Variants in WNT8B observed in about 807,000 individuals in gnomAD.
WNT8B encodes the protein protein Wnt-8b.
In WNT8B, 24 loss-of-function variants were observed where a neutral mutation model predicts 36.6. That is an observed-to-expected ratio of 0.66 (90% CI 0.48 to 0.92). The LOEUF (loss-of-function observed/expected upper bound fraction) is 0.92. WNT8B is among the 40% of genes least tolerant of loss of function. The probability of loss-of-function intolerance (pLI) is 0.00; values close to 1 mark genes in which losing one functional copy is unlikely to be tolerated. For synonymous variants in WNT8B, 199 were observed against 189.8 expected (o/e 1.05, Z -0.40); for missense variants, 402 against 470.8 (o/e 0.85, Z 1.35).
chr10:100,482,705 GTGC>G lies in WNT8B; in HGVS notation c.949_951del (p.Cys317del). On this transcript the variant is annotated inframe_deletion, in exon 6 of 6. Coordinates refer to ENST00000343737, the MANE Select transcript of WNT8B (RefSeq NM_003393.4). This position sits in a 1 kb window ranked among gnomAD's most constrained non-coding sequence, Gnocchi z 6.6. ...CCAGCTGCAACTGCAAGTTCCACTGGTGCTGCGCAGTCCGCTGCGAGCAGTGCC... is the reference window on the plus strand; with the variant it reads ...CCAGCTGCAACTGCAAGTTCCACTGGTGCGCAGTCCGCTGCGAGCAGTGCC... 1 of 1,610,112 alleles carries G rather than the reference GTGC, an allele frequency of 6.2e-7. No individual in the cohort carries two copies. The highest frequency in any genetic ancestry group is 8.5e-7 in the Non-Finnish European group (1 of 1,178,970).
intron 1 of WNT8B, among the ~76,000 whole-genome samples, chr10:100,466,303 T>G (rs1011305460): frequency 5.9e-5 from 9 of 151,542 alleles, no homozygotes; most frequent in African/African-American, 2.2e-4. Flanking sequence ...AAAGCTGGGA[T>G]TTGTGGAGTA....
intron 1 of WNT8B, among the ~76,000 whole-genome samples, chr10:100,472,191 A>C (rs1414084277): frequency 1.3e-5 from 2 of 151,058 alleles, no homozygotes; most frequent in African/African-American, 4.9e-5. Context: ...GCTCACTGCA[A>C]GCTCCGCCTC....
chr10:100,482,662 G>A lies in WNT8B; in HGVS notation c.902G>A (p.Arg301His). The change falls in exon 6 of 6, where the codon CGC (arginine) becomes CAC (histidine). Residue 301 changes from arginine to histidine, a missense_variant. Arg to His is a conservative substitution (Grantham distance 29). This residue lies in a region of WNT8B where 256 missense variants were observed against 278.6 expected (regional missense o/e 0.92). Coordinates refer to ENST00000343737, the MANE Select transcript of WNT8B (RefSeq NM_003393.4). This position sits in a 1 kb window ranked among gnomAD's most constrained non-coding sequence, Gnocchi z 6.6. ...CGDCGLAVEERRAETVSSCNC... is the reference protein window; with the variant it reads ...CGDCGLAVEEHRAETVSSCNC... ...GACTGCGGGCTGGCGGTGGAGGAGC[G>A]CCGGGCCGAGACCGTGTCCAGCTGC... 6.2e-7 allele frequency: 1 copy of A among 1,607,626 alleles called. No individual in the cohort carries two copies. Among genetic ancestry groups the A allele is most frequent in the South Asian group, 1.1e-5 (1 of 90,892 alleles).
intron 1 of WNT8B, among the ~76,000 whole-genome samples, chr10:100,464,397 A>G (rs1850888985): frequency 6.6e-6 from 1 of 152,178 alleles, no homozygotes; most frequent in African/African-American, 2.4e-5. Context: ...CCCTCATGAG[A>G]ACAAAAAGAC....
chr10:100,481,723 C>A (rs1442466444), intron 4 of WNT8B, among the ~76,000 whole-genome samples, 189 bp from the exon 5 acceptor site: 2 of 152,138 alleles, frequency 1.3e-5, no homozygotes, highest in Non-Finnish European at 1.5e-5. Flanking sequence ...ATTGGCTGAA[C>A]CTGGAAGTGG....
At chr10:100,466,088 T>C (rs1287243979) in intron 1 of WNT8B, among the ~76,000 whole-genome samples, 2 of 151,984 alleles carry the variant, frequency 1.3e-5, no homozygotes, top group Non-Finnish European at 2.9e-5. Flanking sequence ...AAAAAAACCA[T>C]ATATGATCAA....
At chr10:100,463,448 G>T (rs925119589) in intron 1 of WNT8B, among the ~76,000 whole-genome samples, 3 of 152,112 alleles carry the variant, frequency 2.0e-5, no homozygotes, top group African/African-American at 7.2e-5. Context: ...TGGGAGCGGG[G>T]GTTCCTATTT....
chr10:100,481,005 G>A lies in WNT8B; in HGVS notation c.249G>A (p.Arg83=). The change falls in exon 4 of 6, where the codon CGG becomes CGA. Residue 83 remains arginine, a synonymous_variant. Coordinates refer to ENST00000343737, the MANE Select transcript of WNT8B (RefSeq NM_003393.4). ...ATTTTTGGTTCCTGCTAGCCAATCG[G>A]GAGACAGCATTTGTGCATGCCATCA... is the stretch of plus-strand genomic sequence containing the variant. ...SSHGGLRSAN[R]ETAFVHAISS... 6.2e-7 allele frequency: 1 copy of A among 1,613,888 alleles called. No homozygotes were observed.
intron 1 of WNT8B, among the ~76,000 whole-genome samples, chr10:100,466,989 T>C (rs573277592): frequency 6.6e-6 from 1 of 152,212 alleles, no homozygotes; most frequent in South Asian, 2.1e-4. Context: ...TTTTTTTTCT[T>C]ACTCAGTAAA....
chr10:100,481,071 C>G lies in WNT8B; in HGVS notation c.315C>G (p.Ser105Arg). Residue 105 changes from serine (S) to arginine (R), a missense_variant, in exon 4 of 6, where the codon AGC (serine) becomes AGG (arginine). Physicochemically the swap from Ser to Arg is moderately radical, Grantham distance 110 (BLOSUM62 -1). Transcript: ENST00000343737. ...TGTACACCCTGACTAGAAACTGCAG[C>G]CTTGGAGATTTTGATAACTGTGGCT... ...GVMYTLTRNC[S>R]LGDFDNCGCD... 6.2e-7 allele frequency: 1 copy of G among 1,614,084 alleles called. No individual in the cohort carries two copies. Among genetic ancestry groups the G allele is most frequent in the Non-Finnish European group, 8.5e-7 (1 of 1,180,012 alleles).
chr10:100,474,169 G>T (rs570556446), intron 1 of WNT8B, among the ~76,000 whole-genome samples: 1 of 152,278 alleles, frequency 6.6e-6, no homozygotes, highest in Admixed American at 6.5e-5. Context: ...AGCTGGGAGG[G>T]TTCAGGAAGT....
In WNT8B at chr10:100,481,135, T is replaced by G; in HGVS notation, c.367+12T>G. 2 of 1,613,770 alleles carry G rather than the reference T, an allele frequency of 1.2e-6. No individual in the cohort carries two copies. Among genetic ancestry groups the G allele is most frequent in the Non-Finnish European group, 1.7e-6 (2 of 1,179,858 alleles). ...CAACGGGCAACTGGGTGAGTAGTAA[T>G]GTAGGGATGGGTACCATAGGCCAGC... On this transcript the variant is annotated intron_variant, in intron 4 of 5. Coordinates refer to ENST00000343737, the MANE Select transcript of WNT8B (RefSeq NM_003393.4).
rs1554840117 is a variant in WNT8B at position 100,479,032 on chromosome 10, G to GC, written c.69-20_69-19insC. 7.1e-7 allele frequency: 1 copy of GC among 1,402,692 alleles called. No homozygotes were observed. The highest frequency in any genetic ancestry group is 9.7e-7 in the Non-Finnish European group (1 of 1,036,196). The allele number at this position is 1,402,692 out of a possible 1,614,324, so 86.9% of individuals were successfully genotyped here. ...TGTCTCTGCATTATATTCTGTTTTTGTTTTTTTTTTCCCTTATAGGTCGGT... is the reference window on the plus strand; with the variant it reads ...TGTCTCTGCATTATATTCTGTTTTTGCTTTTTTTTTTCCCTTATAGGTCGGT... On this transcript the variant is annotated intron_variant, in intron 1 of 5. Coordinates refer to ENST00000343737, the MANE Select transcript of WNT8B (RefSeq NM_003393.4).
At chr10:100,478,570 T>A (rs1177881616) in intron 1 of WNT8B, among the ~76,000 whole-genome samples, 2 of 147,710 alleles carry the variant, frequency 1.4e-5, no homozygotes, top group African/African-American at 2.5e-5. Flanking sequence ...CTAAGTTTTA[T>A]GTGTGTGTGT....
At chr10:100,472,864 ACT>A (rs1416332059) in intron 1 of WNT8B, among the ~76,000 whole-genome samples, 3 of 152,152 alleles carry the variant, frequency 2.0e-5, no homozygotes, top group Non-Finnish European at 4.4e-5. Context: ...CTCAGTGTTC[ACT>A]CTGTTACTCT....
intron 4 of WNT8B, among the ~76,000 whole-genome samples, chr10:100,481,427 G>A (rs1851109328): frequency 1.3e-5 from 2 of 152,194 alleles, no homozygotes; most frequent in East Asian, 1.9e-4. Context: ...GCCTATCCCC[G>A]TCTACTTTCC....
At chr10:100,472,424 G>A (rs1850990087) in intron 1 of WNT8B, among the ~76,000 whole-genome samples, 2 of 152,188 alleles carry the variant, frequency 1.3e-5, no homozygotes, top group Non-Finnish European at 2.9e-5. Flanking sequence ...CTGGACAACA[G>A]AGCAAGTCCC....
chr10:100,475,834 C>G (rs1851031455), intron 1 of WNT8B, among the ~76,000 whole-genome samples: 1 of 152,142 alleles, frequency 6.6e-6, no homozygotes, highest in Non-Finnish European at 1.5e-5. Flanking sequence ...TCTGACATGT[C>G]TTTAAGGATC....
intron 3 of WNT8B, 88 bp downstream of exon 3, chr10:100,480,100 A>G (rs1851091465): frequency 6.9e-7 from 1 of 1,456,700 alleles, no homozygotes; most frequent in Non-Finnish European, 9.2e-7. Context: ...CGACACCCTT[A>G]TTCCTCACCT....
Sources: allele counts gnomAD v4.1 joint callset (sites outside exome capture counted in the v4.1 genomes callset), GRCh38; gene constraint gnomAD v4.1.1; regional missense constraint gnomAD v4.1.1; non-coding constraint Gnocchi (gnomAD v3.1); transcripts MANE v1.5; gene names NCBI Gene and HGNC (gene_info 2026-07-23, HGNC 2026-07-21).